The following SLIT3 variants were observed in gnomAD, a reference collection of about 807,000 sequenced individuals.
SLIT3 encodes the protein slit guidance ligand 3, also known as slit homolog 3 protein.
In SLIT3, 68 loss-of-function variants were observed where a neutral mutation model predicts 184.0. The ratio of observed to expected loss-of-function variants is 0.37; its 90% CI spans 0.30 to 0.45. The LOEUF (loss-of-function observed/expected upper bound fraction) is 0.45, where lower values mean the gene tolerates loss of function less well. SLIT3 is among the 20% of genes least tolerant of loss of function. SLIT3 has a pLI of 1.00. For synonymous variants in SLIT3, 831 were observed against 828.6 expected (o/e 1.00, Z -0.05); for missense variants, 1,707 against 2,026.0 (o/e 0.84, Z 3.02).
chr5:168,818,114 C>T (rs1454714508), intron 7 of SLIT3, among the ~76,000 whole-genome samples: 5 of 152,088 alleles, frequency 3.3e-5, no homozygotes, highest in East Asian at 3.9e-4. Flanking sequence ...GTTGTCTGTA[C>T]CAGACTCTTG....
chr5:169,136,689 G>A (rs1331953085), intron 4 of SLIT3, among the ~76,000 whole-genome samples: 1 of 152,118 alleles, frequency 6.6e-6, no homozygotes, highest in Non-Finnish European at 1.5e-5. Context: ...GCCTCATTAT[G>A]GGCCTGGATT....
In SLIT3 at chr5:168,739,741, C is replaced by T. The variant is rs186456876; in HGVS notation, c.2270+8561G>A. 7.9e-5 allele frequency among the ~76,000 whole-genome samples: 12 copies of T among 152,274 alleles called. No individual in the cohort carries two copies. In the South Asian group the frequency reaches 1.2e-3, roughly 16 times the overall value. On this transcript the variant is annotated intron_variant, in intron 20 of 35. Coordinates refer to ENST00000519560, the MANE Select transcript of SLIT3 (RefSeq NM_003062.4). Reference sequence around the variant, plus strand: ...GATTACAGGCGTGAGCCACCGCACCCGGCTCCTCCCTTTTCAAATACATTT... The same window carrying T: ...GATTACAGGCGTGAGCCACCGCACCTGGCTCCTCCCTTTTCAAATACATTT...
chr5:168,865,194 AAG>A (rs1554150541), intron 5 of SLIT3, among the ~76,000 whole-genome samples: 9 of 151,492 alleles, frequency 5.9e-5, no homozygotes, highest in Non-Finnish European at 1.3e-4. Context: ...AAAAAAAAAA[AAG>A]AACATGGATA....
At chr5:168,925,837 A>G (rs552434224) in intron 4 of SLIT3, among the ~76,000 whole-genome samples, 3 of 152,178 alleles carry the variant, frequency 2.0e-5, no homozygotes, top group Non-Finnish European at 4.4e-5. Flanking sequence ...CAAGTGAGGT[A>G]TTAGTCCCCT....
chr5:169,259,419 G>A (rs115245457), intron 1 of SLIT3, among the ~76,000 whole-genome samples: 2,125 of 152,300 alleles, frequency 0.014, 25 homozygotes, highest in Non-Finnish European at 0.023. Context: ...GGCTACAACA[G>A]GTAGGGAGAG....
At chr5:169,254,055 G>A (rs1450863655) in intron 1 of SLIT3, among the ~76,000 whole-genome samples, 21 of 152,314 alleles carry the variant, frequency 1.4e-4, no homozygotes, top group Admixed American at 1.3e-3. Flanking sequence ...CAGGGAGCAC[G>A]TGGGCTTTGA....
In SLIT3 at chr5:169,187,805, C is replaced by T. The variant is rs1017990983; in HGVS notation, c.413+5674G>A. On this transcript the variant is annotated intron_variant, in intron 4 of 35. Transcript: ENST00000519560. ...CTGGCTTCAAGTGATCAGCCCGCCT[C>T]GGCTTCCCAAAGTGTTGGGATTACA... Among the ~76,000 whole-genome samples, 14 of 151,766 alleles carry T rather than the reference C, an allele frequency of 9.2e-5. No individual in the cohort carries two copies. In the South Asian group the frequency reaches 1.9e-3, roughly 20 times the overall value.
At chr5:169,016,693 T>A (rs1303004613) in intron 4 of SLIT3, among the ~76,000 whole-genome samples, 1 of 152,226 alleles carries the variant, frequency 6.6e-6, no homozygotes, top group African/African-American at 2.4e-5. Context: ...GTTAAAGGCA[T>A]GTTAATACTC....
intron 4 of SLIT3, among the ~76,000 whole-genome samples, chr5:168,965,319 A>G (rs1763147844): frequency 6.6e-6 from 1 of 152,238 alleles, no homozygotes; most frequent in African/African-American, 2.4e-5. Flanking sequence ...GCTCACTTCA[A>G]CAAGGAAAGA....
At chr5:168,888,550 G>T (rs936061280) in intron 4 of SLIT3, among the ~76,000 whole-genome samples, 1 of 152,170 alleles carries the variant, frequency 6.6e-6, no homozygotes, top group Non-Finnish European at 1.5e-5. Flanking sequence ...ACTCTCAAAA[G>T]ACGGCATATC....
intron 5 of SLIT3, 56 bp downstream of exon 5, chr5:168,883,209 G>T: frequency 1.4e-6 from 2 of 1,419,736 alleles, no homozygotes; most frequent in Non-Finnish European, 2.0e-6. Context: ...CCCTCACTCT[G>T]GTCAGAGAGC....
At chr5:169,287,276 G>A (rs1216887009) in intron 1 of SLIT3, among the ~76,000 whole-genome samples, 2 of 152,082 alleles carry the variant, frequency 1.3e-5, no homozygotes, top group African/African-American at 4.8e-5. Flanking sequence ...CTCTAGACTC[G>A]AAATAAGCTG....
intron 4 of SLIT3, among the ~76,000 whole-genome samples, chr5:169,152,530 T>A (rs983306410): frequency 6.6e-6 from 1 of 152,192 alleles, no homozygotes; most frequent in South Asian, 2.1e-4. Context: ...CTCGTGGGGA[T>A]GACTTGCAGC....
chr5:169,203,552 C>A (rs1257821262), intron 3 of SLIT3, among the ~76,000 whole-genome samples: 1 of 152,184 alleles, frequency 6.6e-6, no homozygotes, highest in Non-Finnish European at 1.5e-5. Context: ...AGACAACTCC[C>A]CAGATTCAAG....
At chr5:169,071,190 G>T (rs527497096) in intron 4 of SLIT3, among the ~76,000 whole-genome samples, 3 of 152,182 alleles carry the variant, frequency 2.0e-5, no homozygotes, top group African/African-American at 7.2e-5. Flanking sequence ...GGGTTATCAC[G>T]ATCAAAACAC....
chr5:168,690,178 C>G (rs769193855), intron 29 of SLIT3, among the ~76,000 whole-genome samples: 31 of 151,550 alleles, frequency 2.0e-4, no homozygotes, highest in Non-Finnish European at 3.8e-4. Flanking sequence ...CCTCTGTCAC[C>G]CAGGCTGGAA....
At chr5:169,158,683 G>A (rs890930157) in intron 4 of SLIT3, among the ~76,000 whole-genome samples, 1 of 152,250 alleles carries the variant, frequency 6.6e-6, no homozygotes, top group Non-Finnish European at 1.5e-5. Context: ...TGTAATAGGG[G>A]AGGGCAAAGG....
intron 4 of SLIT3, among the ~76,000 whole-genome samples, chr5:168,886,490 CAA>C (rs1760219891): frequency 6.6e-6 from 1 of 152,182 alleles, no homozygotes; most frequent in South Asian, 2.1e-4. Flanking sequence ...ATAAAAATAA[CAA>C]AATCTATCCA....
In SLIT3 at chr5:168,671,187, G is replaced by A. The variant is rs771807848; in HGVS notation, c.4127+11C>T. ...GCTCGAGCACACAGCCAGGGCTCCT[G>A]GGACACTGACCTGTGGCCGAGGCAG... On this transcript the variant is annotated intron_variant, in intron 34 of 35. Coordinates refer to ENST00000519560, the MANE Select transcript of SLIT3 (RefSeq NM_003062.4). The A allele has an allele frequency of 2.6e-5, 41 of 1,600,346 alleles. No homozygotes were observed. The highest frequency in any genetic ancestry group is 3.4e-5 in the Non-Finnish European group (40 of 1,170,868).
Sources: allele counts gnomAD v4.1 joint callset (sites outside exome capture counted in the v4.1 genomes callset), GRCh38; gene constraint gnomAD v4.1.1; transcripts MANE v1.5; gene names NCBI Gene and HGNC (gene_info 2026-07-23, HGNC 2026-07-21).